Variants in ITGA1 observed in about 807,000 individuals in gnomAD.
ITGA1 encodes integrin subunit alpha 1.
In ITGA1, 85 loss-of-function variants were observed where a neutral mutation model predicts 145.9. That is an observed-to-expected ratio of 0.58 (90% CI 0.49 to 0.70). ITGA1 has a LOEUF of 0.70. Among genes scored for constraint, ITGA1 ranks in the 30% least tolerant of loss-of-function variants. ITGA1 has a pLI of 0.00. For synonymous variants in ITGA1, 520 were observed against 495.3 expected, an observed-to-expected ratio of 1.05 and a Z score of -0.66; for missense variants, 1,351 against 1,418.7, an observed-to-expected ratio of 0.95 and a Z score of 0.77.
intron 7 of ITGA1, among the ~76,000 whole-genome samples, chr5:52,887,318 C>T (rs1438923160): frequency 6.6e-6 from 1 of 152,194 alleles, no homozygotes; most frequent in Non-Finnish European, 1.5e-5. Flanking sequence ...ACTCTGTTCT[C>T]TCTCATCTCT....
At chr5:52,895,966 T>G (rs553925189) in intron 9 of ITGA1, among the ~76,000 whole-genome samples, 2 of 152,320 alleles carry the variant, frequency 1.3e-5, no homozygotes, top group South Asian at 4.1e-4. Flanking sequence ...GCTGTGATTA[T>G]GAAATTTCTG....
chr5:52,911,977 T>C (rs1437720398), intron 14 of ITGA1, among the ~76,000 whole-genome samples: 1 of 75,250 alleles, frequency 1.3e-5, no homozygotes, highest in Non-Finnish European at 2.9e-5. Flanking sequence ...ATCTACTATA[T>C]ATACTATATG....
intron 1 of ITGA1, among the ~76,000 whole-genome samples, chr5:52,789,105 C>T (rs563187778): frequency 6.6e-6 from 1 of 152,186 alleles, no homozygotes; most frequent in South Asian, 2.1e-4. Flanking sequence ...GACTTAAAAA[C>T]ATAGTGGAAA....
At chr5:52,861,974 T>C (rs1749612885) in intron 3 of ITGA1, among the ~76,000 whole-genome samples, 2 of 151,848 alleles carry the variant, frequency 1.3e-5, no homozygotes. Flanking sequence ...TCCCAGCACT[T>C]TGGGAGGCCG....
In ITGA1 at chr5:52,888,215, A is replaced by C. The variant is rs767315062; in HGVS notation, c.924+250A>C. The stretch of plus-strand genomic sequence containing the variant: ...AAGGAAGGAAGGAAGAAAATAAGGA[A>C]ACATGAAAAGAGGAAGAAGGAAGCA... On this transcript the variant is annotated intron_variant, in intron 8 of 28. Transcript: ENST00000282588. 1.3e-5 allele frequency among the ~76,000 whole-genome samples: 2 copies of C among 152,066 alleles called. 1 individual carries two copies. The highest frequency in any genetic ancestry group is 2.9e-5 in the Non-Finnish European group (2 of 68,010).
At chr5:52,945,172 A>C (rs967989346) in intron 27 of ITGA1, 137 bp downstream of exon 27, 4 of 613,876 alleles carry the variant, frequency 6.5e-6, no homozygotes, top group Admixed American at 2.7e-5. Context: ...TTTGCTTCAA[A>C]TTATACTTCA....
chr5:52,914,266 T>C (rs867998255), intron 14 of ITGA1, among the ~76,000 whole-genome samples: 2 of 152,186 alleles, frequency 1.3e-5, no homozygotes, highest in Admixed American at 6.5e-5. Flanking sequence ...GAGATGCTGC[T>C]TATGTATGGG....
intron 12 of ITGA1, among the ~76,000 whole-genome samples, chr5:52,907,613 C>T (rs1463093261): frequency 1.3e-5 from 2 of 152,174 alleles, no homozygotes; most frequent in Admixed American, 1.3e-4. Flanking sequence ...TTAACAATGA[C>T]GTTTGGCTTT....
intron 1 of ITGA1, among the ~76,000 whole-genome samples, chr5:52,821,576 A>G (rs1748880150): frequency 6.6e-6 from 1 of 152,192 alleles, no homozygotes; most frequent in African/African-American, 2.4e-5. Flanking sequence ...TGCCAAATAC[A>G]CTAAGAGTTG....
intron 8 of ITGA1, among the ~76,000 whole-genome samples, chr5:52,891,667 T>A (rs951455931): frequency 4.3e-5 from 6 of 140,492 alleles, no homozygotes; most frequent in South Asian, 2.4e-4. Flanking sequence ...TATAAAGTTT[T>A]AAAAAAAATA....
In ITGA1 at chr5:52,852,595, C is replaced by A. The variant is rs73102271; in HGVS notation, c.182+3110C>A. The stretch of plus-strand genomic sequence containing the variant: ...TCATTGACAGAGAAAGGGAAATTCA[C>A]TTATCAGGAAGTGGGTAAGTCTATT... On this transcript the variant is annotated intron_variant, in intron 2 of 28. Coordinates refer to ENST00000282588, the MANE Select transcript of ITGA1 (RefSeq NM_181501.2). Among the ~76,000 whole-genome samples the A allele has an allele frequency of 6.1e-3, 921 of 152,188 alleles. 5 individuals carry two copies. The highest frequency in any genetic ancestry group is 0.021 in the African/African-American group (862 of 41,524).
chr5:52,921,130 G>A (rs182256986), intron 17 of ITGA1, among the ~76,000 whole-genome samples: 136 of 152,176 alleles, frequency 8.9e-4, no homozygotes, highest in Non-Finnish European at 1.4e-3. Flanking sequence ...TCCCAACAGA[G>A]GGCAGGAGTT....
chr5:52,933,230 G>C (rs1440545777), intron 22 of ITGA1: 1 of 151,926 alleles, frequency 6.6e-6, no homozygotes, highest in Non-Finnish European at 1.5e-5. Context: ...ATGATTATAG[G>C]ACATACATGT....
At chr5:52,944,858 C>T in intron 26 of ITGA1, 85 bp from the exon 27 acceptor site, 1 of 904,524 alleles carries the variant, frequency 1.1e-6, no homozygotes, top group South Asian at 1.6e-5. Context: ...AAAATCTTAG[C>T]TTTTATAAAT....
Position 52,922,821 on chromosome 5 carries a change from TA to T in ITGA1, c.2339del (p.Asn780IlefsTer51). ...QDSVRITLDF[N>X]LTDPENGPVL... is the part of the protein sequence containing the mutation. ...ACTCTGTGAGAATAACGTTGGACTTTAATCTTACCGATCCAGAAAATGGGCC... is the reference window on the plus strand; with the variant it reads ...ACTCTGTGAGAATAACGTTGGACTTTATCTTACCGATCCAGAAAATGGGCC... On this transcript the variant is annotated frameshift_variant, in exon 18 of 29. Coordinates refer to ENST00000282588, the MANE Select transcript of ITGA1 (RefSeq NM_181501.2). LOFTEE classifies it high-confidence loss of function. 1 of 1,613,704 alleles carries T rather than the reference TA, an allele frequency of 6.2e-7. No homozygotes were observed. Among genetic ancestry groups the T allele is most frequent in the Non-Finnish European group, 8.5e-7 (1 of 1,179,616 alleles).
intron 6 of ITGA1, 74 bp from the exon 7 acceptor site, chr5:52,881,799 C>A: frequency 1.5e-6 from 2 of 1,377,928 alleles, no homozygotes; most frequent in Non-Finnish European, 2.0e-6. Context: ...ATATCTGATT[C>A]ACATGGTTAA....
At position 52,849,920 on chromosome 5, in the gene ITGA1, C is replaced by G. The variant is rs376831386; in HGVS notation, c.182+435C>G. 4.0e-5 allele frequency among the ~76,000 whole-genome samples: 6 copies of G among 151,854 alleles called. No individual in the cohort carries two copies. The East Asian group carries it at 9.7e-4, about 24-fold the overall frequency. On this transcript the variant is annotated intron_variant, in intron 2 of 28. Transcript: ENST00000282588. ...TCTTTACTGATCTACTGAGCTTGGT[C>G]TAATGTTTATAATGAACTTTATTGG...
chr5:52,831,501 C>T (rs1461341247), intron 1 of ITGA1, among the ~76,000 whole-genome samples: 1 of 149,750 alleles, frequency 6.7e-6, no homozygotes, highest in Non-Finnish European at 1.5e-5. Flanking sequence ...TTTTAGATAG[C>T]ATAGACCTCT....
intron 8 of ITGA1, among the ~76,000 whole-genome samples, chr5:52,888,897 G>T (rs932220607): frequency 6.6e-6 from 1 of 152,144 alleles, no homozygotes; most frequent in Non-Finnish European, 1.5e-5. Context: ...GAGACGTGTG[G>T]TATTTCCTCT....
Sources: gnomAD v4.1 joint callset for allele counts (sites outside exome capture counted in the v4.1 genomes callset) on GRCh38, gnomAD v4.1.1 for gene constraint, MANE v1.5 for transcripts, NCBI Gene and HGNC (gene_info 2026-07-23, HGNC 2026-07-21) for gene names.